The following ASIC2 variants were observed in gnomAD, a reference collection of about 807,000 sequenced individuals.
ASIC2 encodes the protein acid sensing ion channel subunit 2, also known as acid-sensing ion channel 2.
ASIC2 carries 25 observed loss-of-function variants against 57.3 expected under a neutral mutation model. The observed-to-expected ratio is 0.44, with a 90% confidence interval of 0.32 to 0.61. ASIC2 has a LOEUF of 0.61. Among genes scored for constraint, ASIC2 ranks in the 20% least tolerant of loss-of-function variants. The pLI, the probability that ASIC2 is intolerant of heterozygous loss-of-function variation, is 0.06. For synonymous variants in ASIC2, 319 were observed against 307.5 expected (o/e 1.04, Z -0.39); for missense variants, 641 against 738.1 (o/e 0.87, Z 1.52).
At chr17:33,775,369 C>T (rs1165803086) in intron 1 of ASIC2, among the ~76,000 whole-genome samples, 2 of 152,206 alleles carry the variant, frequency 1.3e-5, no homozygotes, top group African/African-American at 4.8e-5. Context: ...TCAGCATCTG[C>T]CTTCATGGGC....
intron 1 of ASIC2, among the ~76,000 whole-genome samples, chr17:33,249,541 C>T (rs752184302): frequency 3.9e-5 from 6 of 152,062 alleles, no homozygotes; most frequent in African/African-American, 7.2e-5. Flanking sequence ...AGCCCTGAGA[C>T]AAAAGAAGGA....
intron 2 of ASIC2, among the ~76,000 whole-genome samples, chr17:33,093,157 T>A (rs1158173831): frequency 6.6e-6 from 1 of 152,130 alleles, no homozygotes; most frequent in Non-Finnish European, 1.5e-5. Flanking sequence ...TTGTTAAAAA[T>A]TTATAAAAGT....
intron 1 of ASIC2, among the ~76,000 whole-genome samples, chr17:33,629,283 A>G (rs9906175): frequency 0.3 from 45,980 of 151,976 alleles, 7,139 homozygotes; most frequent in East Asian, 0.41. Context: ...GTCTCCCATG[A>G]TCCACTATTA....
intron 1 of ASIC2, among the ~76,000 whole-genome samples, chr17:33,903,891 C>T (rs941099356): frequency 1.3e-5 from 2 of 152,034 alleles, no homozygotes; most frequent in African/African-American, 4.8e-5. Flanking sequence ...GGGCCAGGCA[C>T]GGTGGCTCAT....
intron 1 of ASIC2, among the ~76,000 whole-genome samples, chr17:33,620,259 A>C (rs1340819340): frequency 1.3e-5 from 2 of 151,944 alleles, no homozygotes; most frequent in East Asian, 1.9e-4. Context: ...AAAAAAAAAA[A>C]AACACGTCCT....
At chr17:33,539,103 G>A (rs1168607445) in intron 1 of ASIC2, among the ~76,000 whole-genome samples, 1 of 152,172 alleles carries the variant, frequency 6.6e-6, no homozygotes, top group Non-Finnish European at 1.5e-5. Context: ...TCTGAGAAAG[G>A]GTGACTATTG....
intron 1 of ASIC2, among the ~76,000 whole-genome samples, chr17:33,806,533 T>C (rs1912272760): frequency 6.6e-6 from 1 of 152,204 alleles, no homozygotes; most frequent in Non-Finnish European, 1.5e-5. Flanking sequence ...AGAATCCTAT[T>C]GTAACATGTT....
intron 1 of ASIC2, among the ~76,000 whole-genome samples, chr17:33,422,168 T>C (rs35578035): frequency 0.53 from 80,439 of 152,102 alleles, 22,014 homozygotes; most frequent in Non-Finnish European, 0.6. Flanking sequence ...GCCATTTTAA[T>C]GGCAATACTG....
At chr17:33,980,286 T>A (rs1905564860) in intron 1 of ASIC2, among the ~76,000 whole-genome samples, 1 of 152,178 alleles carries the variant, frequency 6.6e-6, no homozygotes, top group Non-Finnish European at 1.5e-5. Flanking sequence ...CAAGCAAGTC[T>A]CTGAGTGAGG....
chr17:33,614,369 T>A (rs567890632), intron 1 of ASIC2, among the ~76,000 whole-genome samples: 140 of 152,268 alleles, frequency 9.2e-4, no homozygotes, highest in African/African-American at 3.3e-3. Context: ...CCAAATCCCT[T>A]AACTGATTGC....
At chr17:33,373,436 G>T (rs906130599) in intron 1 of ASIC2, among the ~76,000 whole-genome samples, 13 of 152,228 alleles carry the variant, frequency 8.5e-5, no homozygotes, top group South Asian at 2.1e-4. Context: ...GTTAAACAAG[G>T]ATGATAATAG....
intron 1 of ASIC2, among the ~76,000 whole-genome samples, chr17:33,671,165 T>G (rs1317960076): frequency 6.6e-6 from 1 of 152,216 alleles, no homozygotes; most frequent in African/African-American, 2.4e-5. Context: ...TTCAAGTGGA[T>G]GTCCCATTTG....
chr17:34,120,697 T>C (rs922244877), intron 1 of ASIC2, among the ~76,000 whole-genome samples: 1 of 149,214 alleles, frequency 6.7e-6, no homozygotes, highest in Admixed American at 6.8e-5. Context: ...AGGTAGGACC[T>C]TAATGCAAAA....
intron 1 of ASIC2, among the ~76,000 whole-genome samples, chr17:34,077,411 C>G (rs1004960102): frequency 5.3e-5 from 8 of 151,942 alleles, no homozygotes; most frequent in Admixed American, 3.9e-4. Flanking sequence ...CACGTCATAC[C>G]CTCTCCCTTT....
intron 1 of ASIC2, among the ~76,000 whole-genome samples, chr17:33,608,121 A>C (rs1349106319): frequency 1.3e-5 from 2 of 152,188 alleles, no homozygotes; most frequent in African/African-American, 4.8e-5. Flanking sequence ...AGATGGGCTC[A>C]GCATGATGGC....
At chr17:33,042,935 T>G (rs2091935400) in intron 3 of ASIC2, among the ~76,000 whole-genome samples, 4 of 148,488 alleles carry the variant, frequency 2.7e-5, no homozygotes, top group Admixed American at 2.7e-4. Context: ...CCTGTTTTGT[T>G]TTTTTTTTTT....
At position 33,101,815 on chromosome 17, in the gene ASIC2, G is replaced by T. The variant is rs149755531; in HGVS notation, c.859+10102C>A. Among the ~76,000 whole-genome samples, 633 of 152,150 alleles carry T rather than the reference G, an allele frequency of 4.2e-3. 6 individuals are homozygous for T. The highest frequency in any genetic ancestry group is 0.015 in the African/African-American group (603 of 41,504). On this transcript the variant is annotated intron_variant, in intron 2 of 9. Coordinates refer to ENST00000225823, the MANE Select transcript of ASIC2 (RefSeq NM_183377.2). Reference sequence around the variant, plus strand: ...CAGCCTTGCAGTATATAATGTTTTTGATCTCTCTCTTGCGAAATAAATATT... The same window carrying T: ...CAGCCTTGCAGTATATAATGTTTTTTATCTCTCTCTTGCGAAATAAATATT...
chr17:33,633,620 G>C (rs558873842), intron 1 of ASIC2, among the ~76,000 whole-genome samples: 4 of 152,110 alleles, frequency 2.6e-5, no homozygotes, highest in East Asian at 1.9e-4. Flanking sequence ...CAGTATGTCC[G>C]GCAAAAAACA....
At chr17:33,400,840 T>C (rs1036445128) in intron 1 of ASIC2, among the ~76,000 whole-genome samples, 2 of 152,106 alleles carry the variant, frequency 1.3e-5, no homozygotes, top group Admixed American at 6.5e-5. Context: ...TGCCAGCCTC[T>C]CTATTACAAA....
Sources: gnomAD v4.1 joint callset for allele counts (sites outside exome capture counted in the v4.1 genomes callset) on GRCh38, gnomAD v4.1.1 for gene constraint, MANE v1.5 for transcripts, NCBI Gene and HGNC (gene_info 2026-07-23, HGNC 2026-07-21) for gene names.